COL11A2: variants seen among roughly 807,000 people sequenced by gnomAD.
COL11A2 encodes collagen type XI alpha 2 chain, also known as collagen alpha-2(XI) chain.
COL11A2 carries 116 observed loss-of-function variants against 273.4 expected under a neutral mutation model. The observed-to-expected ratio is 0.42, with a 90% confidence interval of 0.36 to 0.49. COL11A2 has a LOEUF of 0.49. COL11A2 is among the 20% of genes least tolerant of loss of function. The pLI is 0.00. For synonymous variants in COL11A2, 782 were observed against 864.2 expected (o/e 0.90, Z 1.67); for missense variants, 1,866 against 2,309.0 (o/e 0.81, Z 3.93).
At position 33,173,945 on chromosome 6, in the gene COL11A2, T is replaced by C. The variant is rs1770519757; in HGVS notation, c.2530-19A>G. ...GTGGACCCTACAGAGGGAAGAGGAGTTGTCAGAGAAACCCAAATGCCCCCC... is the reference window on the plus strand; with the variant it reads ...GTGGACCCTACAGAGGGAAGAGGAGCTGTCAGAGAAACCCAAATGCCCCCC... On this transcript the variant is annotated intron_variant, in intron 33 of 65. Transcript: ENST00000341947. The surrounding 1 kb of genome is among the most constrained non-coding windows in gnomAD (Gnocchi z 6.3). 1 of 1,612,796 alleles carries C rather than the reference T, an allele frequency of 6.2e-7. No individual in the cohort carries two copies. The highest frequency in any genetic ancestry group is 8.5e-7 in the Non-Finnish European group (1 of 1,179,652).
intron 10 of COL11A2, 40 bp from the exon 11 acceptor site, chr6:33,180,770 G>T (rs747622216): frequency 1.3e-6 from 2 of 1,599,204 alleles, no homozygotes; most frequent in South Asian, 2.2e-5. Context: ...TGGGCATTCA[G>T]ACAGGTGTGG....
chr6:33,167,980 G>A lies in COL11A2; in HGVS notation c.3961-128C>T, dbSNP rs899134683. 29 of 951,492 alleles carry A rather than the reference G, an allele frequency of 3.0e-5. No individual in the cohort carries two copies. The highest frequency in any genetic ancestry group is 1.2e-4 in the Admixed American group (6 of 50,260). 58.9% of individuals were successfully genotyped at this position (951,492 alleles called of 1,614,324 possible). On this transcript the variant is annotated intron_variant, in intron 54 of 65. Transcript: ENST00000341947. The surrounding 1 kb of genome is among the most constrained non-coding windows in gnomAD (Gnocchi z 6.1). Reference sequence around the variant, plus strand: ...ACGTGCATACACAGGGACACGCGCCGAGGGCCGATTCACAGATGTGCAGAA... The same window carrying A: ...ACGTGCATACACAGGGACACGCGCCAAGGGCCGATTCACAGATGTGCAGAA...
Position 33,184,312 on chromosome 6 carries a change from G to T in COL11A2, c.952C>A (p.Leu318Ile). The T allele has an allele frequency of 7.3e-7, 1 of 1,367,424 alleles. No homozygotes were observed. The allele number at this position is 1,367,424 out of a possible 1,614,324, so 84.7% of individuals were successfully genotyped here. The change falls in exon 8 of 66, where the codon CTC (leucine) becomes ATC (isoleucine). Residue 318 changes from leucine (L) to isoleucine (I), a missense_variant. Coordinates refer to ENST00000341947, the MANE Select transcript of COL11A2 (RefSeq NM_080680.3). ...LPPLEEEQTD[L>I]QVPPTADRFQ... ...CTGTCGGCTGTGGGGGGGACCTGGAGATCTGTCTGCTCCTTCCCAGGGATG... is the reference window on the plus strand; with the variant it reads ...CTGTCGGCTGTGGGGGGGACCTGGATATCTGTCTGCTCCTTCCCAGGGATG...
chr6:33,166,868 G>A lies in COL11A2; in HGVS notation c.4231-41C>T. ...GGCAGTCAAGAGAATGCAAAGAGGA[G>A]TCATGTGGATGGGGGAGAAGGGCCA... On this transcript the variant is annotated intron_variant, in intron 58 of 65. Coordinates refer to ENST00000341947, the MANE Select transcript of COL11A2 (RefSeq NM_080680.3). This position sits in a 1 kb window ranked among gnomAD's most constrained non-coding sequence, Gnocchi z 4.8. The A allele has an allele frequency of 6.2e-7, 1 of 1,601,230 alleles. No individual in the cohort carries two copies.
Position 33,173,399 on chromosome 6 carries a change from G to A in COL11A2, c.2685C>T (p.Gly895=). 4.3e-6 allele frequency: 7 copies of A among 1,613,088 alleles called. No individual in the cohort carries two copies. Among genetic ancestry groups the A allele is most frequent in the Non-Finnish European group, 5.1e-6 (6 of 1,179,916 alleles). Reference sequence around the variant, plus strand: ...CCGGCAGCCCATCCTTCCCAGGGGGGCCCTGGAAGGGGTTCAGTTGTCAGG... The same window carrying A: ...CCGGCAGCCCATCCTTCCCAGGGGGACCCTGGAAGGGGTTCAGTTGTCAGG... ...NGFPGPKGPP[G]PPGKDGLPGH... Residue 895 remains glycine (G), a splice_region_variant and synonymous_variant, in exon 37 of 66, where the codon GGC becomes GGT. Transcript: ENST00000341947. The surrounding 1 kb of genome is among the most constrained non-coding windows in gnomAD (Gnocchi z 6.3).
chr6:33,184,283 G>A lies in COL11A2; in HGVS notation c.981C>T (p.Phe327=). ...CACCCTCCCCATATTCCTCTGCCTG[G>A]AACCTGTCGGCTGTGGGGGGGACCT... is the stretch of plus-strand genomic sequence containing the variant. The part of the protein sequence containing the change: ...DLQVPPTADR[F]QAEEYGEGGT... The change falls in exon 8 of 66, where the codon TTC becomes TTT. Residue 327 remains phenylalanine (F), a synonymous_variant. Coordinates refer to ENST00000341947, the MANE Select transcript of COL11A2 (RefSeq NM_080680.3). 7.3e-7 allele frequency: 1 copy of A among 1,367,684 alleles called. No homozygotes were observed. Among genetic ancestry groups the A allele is most frequent in the Non-Finnish European group, 9.8e-7 (1 of 1,021,988 alleles). The allele number at this position is 1,367,684 out of a possible 1,614,324, so 84.7% of individuals were successfully genotyped here.
Position 33,176,400 on chromosome 6 carries a change from A to T in COL11A2, c.2169+33T>A, listed in dbSNP as rs1770910777. On this transcript the variant is annotated intron_variant, in intron 27 of 65. Transcript: ENST00000341947. The surrounding 1 kb of genome is among the most constrained non-coding windows in gnomAD (Gnocchi z 4.9). Reference sequence around the variant, plus strand: ...GACCCCATATAGCTCCCCTGACCACAGCCCTTTGTCTCCCAGCCTGGTGGT... The same window carrying T: ...GACCCCATATAGCTCCCCTGACCACTGCCCTTTGTCTCCCAGCCTGGTGGT... 6.2e-7 allele frequency: 1 copy of T among 1,610,850 alleles called. No individual in the cohort carries two copies. Among genetic ancestry groups the T allele is most frequent in the Admixed American group, 1.7e-5 (1 of 59,690 alleles).
At position 33,167,686 on chromosome 6, in the gene COL11A2, C is replaced by A; in HGVS notation, c.4014+113G>T. 1 of 1,487,574 alleles carries A rather than the reference C, an allele frequency of 6.7e-7. No individual in the cohort carries two copies. The highest frequency in any genetic ancestry group is 1.2e-5 in the South Asian group (1 of 85,790). The allele number at this position is 1,487,574 out of a possible 1,614,324, so 92.1% of individuals were successfully genotyped here. A position where few individuals can be genotyped will look rare whatever the true frequency, so the allele number is the denominator to read the frequency against. ...AACAAGTACAGGGAACGCCTGTCCC[C>A]ATAAGGGCCCAACATGGGAGAGGTG... On this transcript the variant is annotated intron_variant, in intron 55 of 65. Transcript: ENST00000341947. The surrounding 1 kb of genome is among the most constrained non-coding windows in gnomAD (Gnocchi z 6.1).
chr6:33,175,490 C>A, intron 30 of COL11A2, 84 bp downstream of exon 30: 1 of 1,134,778 alleles, frequency 8.8e-7, no homozygotes, highest in Admixed American at 1.7e-5. Context: ...GACTGGCTGA[C>A]TTCAGCGGCG....
chr6:33,184,956 G>A (rs1467856570), intron 7 of COL11A2, 36 bp downstream of exon 7: 6 of 1,526,068 alleles, frequency 3.9e-6, no homozygotes, highest in Non-Finnish European at 4.4e-6. Flanking sequence ...GGTGCCCACT[G>A]CCCCCAGATG....
Position 33,175,371 on chromosome 6 carries a change from G to C in COL11A2, c.2376+203C>G, listed in dbSNP as rs899238867. The C allele has an allele frequency of 7.2e-6, 5 of 691,930 alleles. No individual in the cohort carries two copies. The African/African-American group carries it at 8.8e-5, about 12-fold the overall frequency. 42.9% of individuals were successfully genotyped at this position (691,930 alleles called of 1,614,324 possible). ...AAGCTTCGTCTCCGTCCAACTCTTC[G>C]TGTCAGGGACTTTTCCCTGACTTCT... On this transcript the variant is annotated intron_variant, in intron 30 of 65. Coordinates refer to ENST00000341947, the MANE Select transcript of COL11A2 (RefSeq NM_080680.3).
In COL11A2 at chr6:33,165,510, G is replaced by C; in HGVS notation, c.4750+39C>G. The C allele has an allele frequency of 3.1e-6, 5 of 1,607,624 alleles. No individual in the cohort carries two copies. The highest frequency in any genetic ancestry group is 4.2e-6 in the Non-Finnish European group (5 of 1,179,950). Reference sequence around the variant, plus strand: ...ATTCTGCTTGTTCAGTACCCATGCTGTTGGGGAGATGTTTGTGCACCCTGA... The same window carrying C: ...ATTCTGCTTGTTCAGTACCCATGCTCTTGGGGAGATGTTTGTGCACCCTGA... On this transcript the variant is annotated intron_variant, in intron 63 of 65. Coordinates refer to ENST00000341947, the MANE Select transcript of COL11A2 (RefSeq NM_080680.3). This position sits in a 1 kb window ranked among gnomAD's most constrained non-coding sequence, Gnocchi z 7.7.
At chr6:33,191,109 GC>G (rs1254752453) in intron 1 of COL11A2, among the ~76,000 whole-genome samples, 1 of 152,016 alleles carries the variant, frequency 6.6e-6, no homozygotes, top group Non-Finnish European at 1.5e-5. Flanking sequence ...AGTCATCTTA[GC>G]CATCCCCCTG....
chr6:33,185,524 G>T (rs1772296978), intron 6 of COL11A2, among the ~76,000 whole-genome samples, 177 bp downstream of exon 6: 1 of 152,032 alleles, frequency 6.6e-6, no homozygotes, highest in South Asian at 2.1e-4. Context: ...TGTGGTGGGG[G>T]CTCCCAGGGC....
chr6:33,167,491 C>T lies in COL11A2; in HGVS notation c.4057G>A (p.Val1353Met), dbSNP rs752706766. 12 of 1,612,776 alleles carry T rather than the reference C, an allele frequency of 7.4e-6. No homozygotes were observed. In the African/African-American group the frequency reaches 1.5e-4, roughly 20 times the overall value. ...AIGAPGKTGP[V>M]GPAGPAGKPG... is the part of the protein sequence containing the mutation. Reference sequence around the variant, plus strand: ...TTCCCTGCTGGGCCTGCAGGACCCACCGGGCCTGTCTTCCCCGGGGCACCT... The same window carrying T: ...TTCCCTGCTGGGCCTGCAGGACCCATCGGGCCTGTCTTCCCCGGGGCACCT... The change falls in exon 56 of 66, where the codon GTG becomes ATG. Residue 1353 changes from valine (V) to methionine (M), a missense_variant. Physicochemically the swap from Val to Met is conservative, Grantham distance 21 (BLOSUM62 1). Coordinates refer to ENST00000341947, the MANE Select transcript of COL11A2 (RefSeq NM_080680.3). This position sits in a 1 kb window ranked among gnomAD's most constrained non-coding sequence, Gnocchi z 6.1.
chr6:33,184,839 T>C (rs1772166554), intron 7 of COL11A2, among the ~76,000 whole-genome samples, 153 bp downstream of exon 7: 1 of 152,144 alleles, frequency 6.6e-6, no homozygotes, highest in Admixed American at 6.5e-5. Flanking sequence ...CCCATAGTTC[T>C]AGAGTGACCC....
chr6:33,182,389 T>C (rs1029579648), intron 8 of COL11A2, among the ~76,000 whole-genome samples: 1 of 152,012 alleles, frequency 6.6e-6, no homozygotes, highest in Non-Finnish European at 1.5e-5. Flanking sequence ...AGTTTAAATA[T>C]GCCCCAAAGG....
rs1053123998 is a variant in COL11A2, at chr6:33,184,339, G to A, written c.940-15C>T. 2.2e-6 allele frequency: 3 copies of A among 1,360,916 alleles called. No individual in the cohort carries two copies. Among genetic ancestry groups the A allele is most frequent in the African/African-American group, 3.0e-5 (2 of 67,638 alleles). The allele number at this position is 1,360,916 out of a possible 1,614,324, so 84.3% of individuals were successfully genotyped here. On this transcript the variant is annotated splice_polypyrimidine_tract_variant and intron_variant, in intron 7 of 65. Transcript: ENST00000341947. ...TCTGTCTGCTCCTTCCCAGGGATGG[G>A]GAGGGAGAGGGGTAGATGGGGATGT...
intron 10 of COL11A2, 36 bp from the exon 11 acceptor site, chr6:33,180,766 T>C (rs777990591): frequency 1.2e-6 from 2 of 1,605,280 alleles, no homozygotes; most frequent in Non-Finnish European, 1.7e-6. Context: ...GGTGTGGGCA[T>C]TCAGACAGGT....
Sources: allele counts gnomAD v4.1 joint callset (sites outside exome capture counted in the v4.1 genomes callset), GRCh38; gene constraint gnomAD v4.1.1; non-coding constraint Gnocchi (gnomAD v3.1); transcripts MANE v1.5; gene names NCBI Gene and HGNC (gene_info 2026-07-23, HGNC 2026-07-21).